CLPX: variants seen among roughly 807,000 people sequenced by gnomAD.
CLPX encodes caseinolytic mitochondrial matrix peptidase chaperone subunit X, also known as ATP-dependent clpX-like chaperone, mitochondrial.
In CLPX, 34 loss-of-function variants were observed where a neutral mutation model predicts 76.4. The observed-to-expected ratio is 0.45, with a 90% CI of 0.34 to 0.59. The LOEUF is 0.59. Among genes scored for constraint, CLPX ranks in the 20% least tolerant of loss-of-function variants. CLPX has a pLI of 0.01. For missense variants in CLPX, 613 were observed against 757.0 expected (o/e 0.81, Z 2.23); for synonymous variants, 248 against 270.9 (o/e 0.92, Z 0.83).
intron 1 of CLPX, among the ~76,000 whole-genome samples, chr15:65,180,846 G>A (rs1490379467): frequency 6.6e-6 from 1 of 151,052 alleles, no homozygotes; most frequent in Admixed American, 6.6e-5. Flanking sequence ...GAAGTTTGCA[G>A]CGAACTGAAG....
Position 65,180,082 on chromosome 15 carries a change from C to T in CLPX, c.202G>A (p.Asp68Asn). Residue 68 changes from aspartate (D) to asparagine (N), a missense_variant, in exon 2 of 14, where the codon GAT becomes AAT. This residue lies in a region of CLPX where 163 missense variants were observed against 118.4 expected (regional missense o/e 1.38). Transcript: ENST00000300107. ...CCAGAACCATCTTTACTTATCCCAT[C>T]TTTTGAGGCAAAGTATGCTGGTGTT... ...TETPAYFASK[D>N]GISKDGSGDG... 6.2e-7 allele frequency: 1 copy of T among 1,610,572 alleles called. No homozygotes were observed. Among genetic ancestry groups the T allele is most frequent in the Admixed American group, 1.7e-5 (1 of 59,592 alleles).
intron 13 of CLPX, among the ~76,000 whole-genome samples, chr15:65,152,102 G>A (rs1211416900): frequency 6.6e-6 from 1 of 151,950 alleles, no homozygotes; most frequent in Admixed American, 6.6e-5. Flanking sequence ...GCTAATTTTT[G>A]TATTTTTAGT....
intron 3 of CLPX, among the ~76,000 whole-genome samples, chr15:65,173,475 T>C (rs2088042410): frequency 6.6e-6 from 1 of 151,882 alleles, no homozygotes; most frequent in African/African-American, 2.4e-5. Context: ...ACAGCTGCTA[T>C]GGAAAACAGT....
chr15:65,155,279 G>C (rs781588969), intron 10 of CLPX, among the ~76,000 whole-genome samples, 198 bp from the exon 11 acceptor site: 1 of 152,154 alleles, frequency 6.6e-6, no homozygotes, highest in Admixed American at 6.5e-5. Context: ...AAGTGGCAAA[G>C]CCAGAATTTG....
chr15:65,157,014 AG>A, intron 8 of CLPX, 82 bp from the exon 9 acceptor site: 1 of 803,530 alleles, frequency 1.2e-6, no homozygotes, highest in East Asian at 2.6e-5. Flanking sequence ...TTAGGTAGCT[AG>A]AGAACAAAGT....
intron 6 of CLPX, among the ~76,000 whole-genome samples, chr15:65,160,925 T>C (rs1026358681): frequency 6.6e-6 from 1 of 152,166 alleles, no homozygotes; most frequent in Non-Finnish European, 1.5e-5. Context: ...GCAAGCAGGC[T>C]AGTGTAGTAG....
intron 1 of CLPX, among the ~76,000 whole-genome samples, chr15:65,181,735 C>T (rs1484088556): frequency 1.3e-5 from 2 of 148,348 alleles, no homozygotes; most frequent in Non-Finnish European, 3.0e-5. Flanking sequence ...TGCAACGGAG[C>T]GAGGCTCTGT....
intron 13 of CLPX, among the ~76,000 whole-genome samples, 197 bp from the exon 14 acceptor site, chr15:65,151,110 CGAG>C (rs1416089654): frequency 6.6e-6 from 1 of 151,874 alleles, no homozygotes; most frequent in Non-Finnish European, 1.5e-5. Context: ...TTTGGAAGGC[CGAG>C]GAGGGCTGAT....
intron 4 of CLPX, among the ~76,000 whole-genome samples, chr15:65,164,891 C>A (rs2087890762): frequency 6.6e-6 from 1 of 152,044 alleles, no homozygotes; most frequent in Non-Finnish European, 1.5e-5. Flanking sequence ...GCTGGGATTA[C>A]AGGCATGAGC....
Position 65,159,769 on chromosome 15 carries a change from T to C in CLPX, c.716-1018A>G, listed in dbSNP as rs190694379. ...CATTTGAGTACCTGTTATCACAACA[T>C]ACTTGTTTATATTTCCTGAATTTAT... is the stretch of plus-strand genomic sequence containing the variant. On this transcript the variant is annotated intron_variant, in intron 6 of 13. Coordinates refer to ENST00000300107, the MANE Select transcript of CLPX (RefSeq NM_006660.5). Among the ~76,000 whole-genome samples, 5 of 152,150 alleles carry C rather than the reference T, an allele frequency of 3.3e-5. No homozygotes were observed. The East Asian group carries it at 5.8e-4, about 18-fold the overall frequency.
Position 65,185,105 on chromosome 15 carries a change from T to C in CLPX, c.49A>G (p.Ile17Val). ...CTCGAAAVRL[I>V]TSSLASAQRG... ...TGCGCGGAGGCGAGTGAGGAGGTGA[T>C]GAGCCGGACGGCCGCCGCGCCGCAA... The change falls in exon 1 of 14, where the codon ATC becomes GTC. Residue 17 changes from isoleucine to valine, a missense_variant. Coordinates refer to ENST00000300107, the MANE Select transcript of CLPX (RefSeq NM_006660.5). 3 of 1,584,094 alleles carry C rather than the reference T, an allele frequency of 1.9e-6. No homozygotes were observed. The highest frequency in any genetic ancestry group is 2.6e-6 in the Non-Finnish European group (3 of 1,166,592).
chr15:65,178,892 A>C (rs1339604287), intron 3 of CLPX, 42 bp downstream of exon 3: 2 of 1,127,182 alleles, frequency 1.8e-6, no homozygotes, highest in Non-Finnish European at 1.3e-6. Flanking sequence ...TAATTTACAG[A>C]AAATGTAGGG....
At chr15:65,157,954 G>A in intron 7 of CLPX, 44 bp from the exon 8 acceptor site, 1 of 1,486,704 alleles carries the variant, frequency 6.7e-7, no homozygotes, top group Non-Finnish European at 9.0e-7. Flanking sequence ...AAAATATATT[G>A]GCACACAATT....
rs2087684320 is a variant in CLPX at position 65,148,857 on chromosome 15, ACCC to A, written c.*1963_*1965del. Reference sequence around the variant, plus strand: ...AGGAAAGAAAAAAAGCTTAAAAGGTACCCAAATATTTTAATATTTATGGAATTA... The same window carrying A: ...AGGAAAGAAAAAAAGCTTAAAAGGTAAAATATTTTAATATTTATGGAATTA... On this transcript the variant is annotated 3_prime_UTR_variant, in exon 14 of 14. Transcript: ENST00000300107. The A allele has an allele frequency of 6.6e-6, 1 of 152,156 alleles. No homozygotes were observed. The highest frequency in any genetic ancestry group is 1.5e-5 in the Non-Finnish European group (1 of 68,030). The allele number at this position is 152,156 out of a possible 1,614,324, so 9.4% of individuals were successfully genotyped here.
chr15:65,164,682 T>C (rs1275787773), intron 4 of CLPX, among the ~76,000 whole-genome samples: 1 of 152,204 alleles, frequency 6.6e-6, no homozygotes, highest in Non-Finnish European at 1.5e-5. Flanking sequence ...TCTATGTGTT[T>C]TAGTAAATTT....
At chr15:65,159,300 T>C (rs997598057) in intron 6 of CLPX, among the ~76,000 whole-genome samples, 1 of 152,194 alleles carries the variant, frequency 6.6e-6, no homozygotes, top group Non-Finnish European at 1.5e-5. Flanking sequence ...ACATTGCTAA[T>C]GACTAGATGG....
In CLPX at chr15:65,157,681, T is replaced by C; in HGVS notation, c.1057+65A>G. 1.4e-6 allele frequency: 2 copies of C among 1,382,164 alleles called. 1 individual carries two copies. The highest frequency in any genetic ancestry group is 3.0e-5 in the South Asian group (2 of 67,616). 85.6% of individuals were successfully genotyped at this position (1,382,164 alleles called of 1,614,324 possible). A position where few individuals can be genotyped will look rare whatever the true frequency, so the allele number is the denominator to read the frequency against. ...TTGACTCAAAACAAGAATTATATTG[T>C]CTCTTAATATTAGACTGATTCCCCA... On this transcript the variant is annotated intron_variant, in intron 8 of 13. Transcript: ENST00000300107.
chr15:65,183,505 AAGAC>A (rs1403789643), intron 1 of CLPX, among the ~76,000 whole-genome samples: 48 of 151,356 alleles, frequency 3.2e-4, no homozygotes, highest in South Asian at 6.3e-4. Flanking sequence ...GACAGACAGA[AAGAC>A]AGATAGTAGA....
chr15:65,154,952 G>A lies in CLPX; in HGVS notation c.1441C>T (p.His481Tyr). ...TCAATCAGATCTCTGGCTTCCACAT[G>A]ACGCAATAACCGATCTTTTTCTTCA... ...DIEEKDRLLR[H>Y]VEARDLIEFG... The change falls in exon 11 of 14, where the codon CAT (histidine) becomes TAT (tyrosine). Residue 481 changes from histidine to tyrosine, a missense_variant. Physicochemically the swap from His to Tyr is moderately conservative, Grantham distance 83. Coordinates refer to ENST00000300107, the MANE Select transcript of CLPX (RefSeq NM_006660.5). The A allele has an allele frequency of 2.5e-6, 4 of 1,614,094 alleles. No individual in the cohort carries two copies. Among genetic ancestry groups the A allele is most frequent in the Non-Finnish European group, 3.4e-6 (4 of 1,180,026 alleles).
Sources: gnomAD v4.1 joint callset for allele counts (sites outside exome capture counted in the v4.1 genomes callset) on GRCh38, gnomAD v4.1.1 for gene constraint, gnomAD v4.1.1 regional missense constraint, MANE v1.5 for transcripts, NCBI Gene and HGNC (gene_info 2026-07-23, HGNC 2026-07-21) for gene names.